PPP2R5C: variants seen among roughly 807,000 people sequenced by gnomAD.
PPP2R5C encodes serine/threonine-protein phosphatase 2A 56 kDa regulatory subunit gamma isoform.
PPP2R5C carries 7 observed loss-of-function variants against 68.9 expected under a neutral mutation model. That is an observed-to-expected ratio of 0.10 (90% confidence interval 0.06 to 0.19). The LOEUF (loss-of-function observed/expected upper bound fraction) is 0.19. Ranked by LOEUF, PPP2R5C falls within the 10% of genes least tolerant of loss-of-function variation. PPP2R5C has a pLI of 1.00. For missense variants in PPP2R5C, 348 were observed against 641.3 expected (o/e 0.54, Z 4.94); for synonymous variants, 210 against 222.2 (o/e 0.95, Z 0.49).
chr14:101,876,526 C>G (rs1296382280), intron 2 of PPP2R5C, among the ~76,000 whole-genome samples: 2 of 152,040 alleles, frequency 1.3e-5, no homozygotes, highest in African/African-American at 4.8e-5. Context: ...ATAACACATA[C>G]AGAAAGGCTG....
At chr14:101,841,762 G>A (rs1181867852) in intron 1 of PPP2R5C, among the ~76,000 whole-genome samples, 1 of 152,186 alleles carries the variant, frequency 6.6e-6, no homozygotes, top group Non-Finnish European at 1.5e-5. Context: ...GGGACCCTTT[G>A]AGGCCAACTG....
chr14:101,875,688 T>C (rs1418503007), intron 2 of PPP2R5C, among the ~76,000 whole-genome samples: 1 of 152,214 alleles, frequency 6.6e-6, no homozygotes, highest in Non-Finnish European at 1.5e-5. Flanking sequence ...AAAGGGGTAG[T>C]ATCTCCCTTT....
intron 2 of PPP2R5C, among the ~76,000 whole-genome samples, chr14:101,875,442 G>A (rs539020691): frequency 6.6e-6 from 1 of 152,310 alleles, no homozygotes; most frequent in Admixed American, 6.5e-5. Context: ...CAGCTGAGAC[G>A]TAAAGGTTTA....
chr14:101,825,211 CGTGTGTGTGT>C lies in PPP2R5C; in HGVS notation c.94+15204_94+15213del, dbSNP rs10588262. Among the ~76,000 whole-genome samples the C allele has an allele frequency of 2.3e-4, 33 of 143,108 alleles. No individual in the cohort carries two copies. Among genetic ancestry groups the C allele is most frequent in the African/African-American group, 4.9e-4 (19 of 38,554 alleles). 93.9% of individuals were successfully genotyped at this position (143,108 alleles called of 152,430 possible). A position where few individuals can be genotyped will look rare whatever the true frequency, so the allele number is the denominator to read the frequency against. On this transcript the variant is annotated intron_variant, in intron 1 of 13. Transcript: ENST00000334743. This position sits in a 1 kb window ranked among gnomAD's most constrained non-coding sequence, Gnocchi z 4.0. ...AGGGATAGGATAAGAGGGTTTTCAG[CGTGTGTGTGT>C]GTGTGTGTGTGTGTGTGTGTGTGTG...
chr14:101,786,113 C>T (rs1181589653), exon 3 of PPP2R5C: 1 of 1,584,330 alleles, frequency 6.3e-7, no homozygotes, highest in Middle Eastern at 1.7e-4. Flanking sequence ...TGAAGAAAGA[C>T]AAACGGCAAA....
intron 1 of PPP2R5C, chr14:101,818,674 C>A: frequency 4.7e-6 from 1 of 213,330 alleles, no homozygotes; most frequent in South Asian, 6.7e-5. Flanking sequence ...TGGTTAATCT[C>A]AAATAGGGTG....
intron 7 of PPP2R5C, among the ~76,000 whole-genome samples, chr14:101,893,396 T>A (rs1460078562): frequency 1.3e-5 from 2 of 152,188 alleles, no homozygotes; most frequent in Non-Finnish European, 2.9e-5. Context: ...TTTTCTGTAG[T>A]GTAATCTAAA....
intron 2 of PPP2R5C, among the ~76,000 whole-genome samples, chr14:101,779,887 G>C (rs1228691328): frequency 6.6e-6 from 1 of 152,190 alleles, no homozygotes; most frequent in Non-Finnish European, 1.5e-5. Context: ...CTGGTCTATA[G>C]AGGCTGGGGT....
intron 2 of PPP2R5C, among the ~76,000 whole-genome samples, chr14:101,875,977 T>C (rs1199899295): frequency 1.3e-5 from 2 of 152,230 alleles, no homozygotes; most frequent in African/African-American, 2.4e-5. Flanking sequence ...GCTGGAGTCT[T>C]CGTCTCTGTT....
chr14:101,858,139 G>A (rs947667920), intron 2 of PPP2R5C, among the ~76,000 whole-genome samples: 4 of 152,138 alleles, frequency 2.6e-5, no homozygotes, highest in Non-Finnish European at 4.4e-5. Flanking sequence ...GGCATAAACT[G>A]AGCAGAGAAT....
chr14:101,843,659 A>G, intron 1 of PPP2R5C: 1 of 161,970 alleles, frequency 6.2e-6, no homozygotes, highest in Non-Finnish European at 1.3e-5. Context: ...ATTGTTGTGC[A>G]TGATTGGGTA....
intron 3 of PPP2R5C, among the ~76,000 whole-genome samples, chr14:101,786,987 C>T (rs923286713): frequency 6.6e-5 from 10 of 152,150 alleles, no homozygotes; most frequent in African/African-American, 1.4e-4. Flanking sequence ...TCCAGTGGCT[C>T]GCGCTTATAA....
chr14:101,840,096 G>A (rs1005636850), intron 1 of PPP2R5C, among the ~76,000 whole-genome samples: 4 of 152,174 alleles, frequency 2.6e-5, no homozygotes, highest in South Asian at 2.1e-4. Context: ...TACACAGAGC[G>A]AAAGATTTCA....
chr14:101,788,831 A>G (rs755157509), intron 3 of PPP2R5C, among the ~76,000 whole-genome samples: 16 of 152,212 alleles, frequency 1.1e-4, no homozygotes, highest in Non-Finnish European at 2.2e-4. Flanking sequence ...GAAAATTGAT[A>G]CCTTTTTTCC....
Position 101,915,162 on chromosome 14 carries a change from C to T in PPP2R5C, c.1327-2669C>T, listed in dbSNP as rs1205542001. Among the ~76,000 whole-genome samples, 2 of 152,208 alleles carry T rather than the reference C, an allele frequency of 1.3e-5. No homozygotes were observed. The highest frequency in any genetic ancestry group is 3.9e-4 in the East Asian group (2 of 5,182). ...CGTGATCTCGGCTCACCACAACCTC[C>T]GCCTCCCAGGTTCAAGCAGTCCTCC... On this transcript the variant is annotated intron_variant, in intron 12 of 13. Coordinates refer to ENST00000334743, the Ensembl canonical transcript of PPP2R5C. The surrounding 1 kb of genome is among the most constrained non-coding windows in gnomAD (Gnocchi z 4.2).
At chr14:101,900,139 G>C (rs1220188487) in intron 8 of PPP2R5C, among the ~76,000 whole-genome samples, 2 of 151,994 alleles carry the variant, frequency 1.3e-5, no homozygotes, top group African/African-American at 4.8e-5. Flanking sequence ...CTCCCACCTC[G>C]ACCTCCCAAA....
At position 101,835,095 on chromosome 14, in the gene PPP2R5C, G is replaced by A. The variant is rs987588551; in HGVS notation, c.95-21591G>A. Among the ~76,000 whole-genome samples the A allele has an allele frequency of 6.6e-6, 1 of 152,204 alleles. No individual in the cohort carries two copies. The highest frequency in any genetic ancestry group is 2.4e-5 in the African/African-American group (1 of 41,456). On this transcript the variant is annotated intron_variant, in intron 1 of 13. Transcript: ENST00000334743. This position sits in a 1 kb window ranked among gnomAD's most constrained non-coding sequence, Gnocchi z 5.0. ...ATGCAGCCTGTGTCTTCAGGGACTG[G>A]GAGTCTCTGATTCCAGCACAGCCGA...
chr14:101,789,169 CTATT>C (rs2038251083), intron 3 of PPP2R5C, among the ~76,000 whole-genome samples: 1 of 152,232 alleles, frequency 6.6e-6, no homozygotes, highest in African/African-American at 2.4e-5. Flanking sequence ...CTCTCTTCCA[CTATT>C]TATGCCAACA....
intron 1 of PPP2R5C, chr14:101,843,424 G>C (rs1294709082): frequency 4.4e-6 from 1 of 226,352 alleles, no homozygotes; most frequent in Non-Finnish European, 9.1e-6. Context: ...CAGAGATCTT[G>C]AATAGCCCCC....
Sources: allele counts gnomAD v4.1 joint callset (sites outside exome capture counted in the v4.1 genomes callset), GRCh38; gene constraint gnomAD v4.1.1; non-coding constraint Gnocchi (gnomAD v3.1); transcripts MANE v1.5; gene names NCBI Gene and HGNC (gene_info 2026-07-23, HGNC 2026-07-21).